PML: variants seen among roughly 807,000 people sequenced by gnomAD.
The protein encoded by PML is protein PML.
Under a neutral mutation model 65.2 loss-of-function variants are expected in PML, and 28 were observed. The ratio of observed to expected loss-of-function variants is 0.43; its 90% CI spans 0.32 to 0.59. The LOEUF is 0.59. PML is among the 20% of genes least tolerant of loss of function. The pLI is 0.08. For synonymous variants in PML, 500 were observed against 508.8 expected, an observed-to-expected ratio of 0.98 and a Z score of 0.23; for missense variants, 1,021 against 1,203.4, an observed-to-expected ratio of 0.85 and a Z score of 2.24.
At chr15:74,033,124 C>T (rs373832766) in intron 5 of PML, 32 bp from the exon 6 acceptor site, 1 of 1,613,328 alleles carries the variant, frequency 6.2e-7, no homozygotes, top group African/African-American at 1.3e-5. Flanking sequence ...CCTGCAGGCA[C>T]CTGACCTGGC....
rs1595924501 is a variant in PML, at chr15:74,046,267, G to C, written c.*1259G>C. ...TCCCCAACCTTGTGGTCACATCAGA[G>C]GTCAACAGCAGAACAGAGGCAGGTC... is the stretch of plus-strand genomic sequence containing the variant. On this transcript the variant is annotated 3_prime_UTR_variant, in exon 9 of 9. Coordinates refer to ENST00000268058, the MANE Select transcript of PML (RefSeq NM_033238.3). The C allele has an allele frequency of 2.1e-5, 5 of 233,312 alleles. No individual in the cohort carries two copies. The East Asian group carries it at 3.0e-4, about 14-fold the overall frequency. 14.5% of individuals were successfully genotyped at this position (233,312 alleles called of 1,614,324 possible).
At chr15:74,036,452 T>G in intron 7 of PML, 1 of 1,259,542 alleles carries the variant, frequency 7.9e-7, no homozygotes, top group East Asian at 3.6e-5. Context: ...AGCTCCTCCC[T>G]GCAGGCTGTT....
In PML at chr15:74,044,734, G is replaced by A. The variant is rs374210403; in HGVS notation, c.2375G>A (p.Arg792Gln). 276 of 1,610,450 alleles carry A rather than the reference G, an allele frequency of 1.7e-4. No homozygotes were observed. The highest frequency in any genetic ancestry group is 2.1e-4 in the Non-Finnish European group (247 of 1,179,956). ...QPLVQAAVLP[R>Q]AEARLLALHN... Reference sequence around the variant, plus strand: ...CTGGTGCAGGCAGCTGTGCTGCCCCGGGCTGAGGCCCGCCTCCTGGCCCTA... The same window carrying A: ...CTGGTGCAGGCAGCTGTGCTGCCCCAGGCTGAGGCCCGCCTCCTGGCCCTA... Residue 792 changes from arginine (R) to glutamine (Q), a missense_variant, in exon 9 of 9, where the codon CGG becomes CAG. Arg to Gln is a conservative substitution (Grantham distance 43). Coordinates refer to ENST00000268058, the MANE Select transcript of PML (RefSeq NM_033238.3).
chr15:74,024,965 GC>G, intron 4 of PML, 38 bp downstream of exon 4: 1 of 1,432,366 alleles, frequency 7.0e-7, no homozygotes, highest in Non-Finnish European at 9.9e-7. Context: ...TGGTGGTGGG[GC>G]CCAGCAGGTC....
In PML at chr15:74,045,082, C is replaced by A; in HGVS notation, c.*74C>A. The A allele has an allele frequency of 7.5e-7, 1 of 1,335,976 alleles. No individual in the cohort carries two copies. Among genetic ancestry groups the A allele is most frequent in the South Asian group, 1.4e-5 (1 of 72,298 alleles). 82.8% of individuals were successfully genotyped at this position (1,335,976 alleles called of 1,614,324 possible). ...GGTCCCTGAGCCAGGCCCCACCCAT[C>A]ACAGCATTCCCAGGTCCTGGTACCC... On this transcript the variant is annotated 3_prime_UTR_variant, in exon 9 of 9. Coordinates refer to ENST00000268058, the MANE Select transcript of PML (RefSeq NM_033238.3).
chr15:74,044,186 C>T (rs1341902065), intron 8 of PML, 35 bp from the exon 9 acceptor site: 1 of 1,608,494 alleles, frequency 6.2e-7, no homozygotes, highest in Non-Finnish European at 8.5e-7. Context: ...TCTCTGTGAC[C>T]CTGGGTCCTC....
intron 1 of PML, among the ~76,000 whole-genome samples, chr15:73,996,202 T>C (rs1406186591): frequency 6.6e-6 from 1 of 152,248 alleles, no homozygotes; most frequent in Non-Finnish European, 1.5e-5. Context: ...TTTTCATTAC[T>C]CCAGAAACTC....
intron 2 of PML, among the ~76,000 whole-genome samples, chr15:74,011,987 T>C (rs1567123938): frequency 6.6e-6 from 1 of 152,222 alleles, no homozygotes; most frequent in Non-Finnish European, 1.5e-5. Flanking sequence ...CTTAAGAATT[T>C]AGAGTGTATC....
chr15:74,005,109 A>G (rs1173142586), intron 2 of PML, among the ~76,000 whole-genome samples: 1 of 151,430 alleles, frequency 6.6e-6, no homozygotes, highest in Non-Finnish European at 1.5e-5. Flanking sequence ...CTGGAGTGCA[A>G]TGGCACGATC....
chr15:74,008,463 G>T (rs1157404903), intron 2 of PML, among the ~76,000 whole-genome samples: 2 of 152,194 alleles, frequency 1.3e-5, no homozygotes, highest in East Asian at 3.9e-4. Flanking sequence ...ATGGGGCCGG[G>T]CGTGGTGGCT....
chr15:74,024,558 C>A (rs1432036518), intron 3 of PML, among the ~76,000 whole-genome samples: 1 of 152,184 alleles, frequency 6.6e-6, no homozygotes, highest in African/African-American at 2.4e-5. Context: ...TTTATGATTG[C>A]GCACACTTAG....
intron 2 of PML, among the ~76,000 whole-genome samples, chr15:74,015,471 CCAGGTGGTACCAGCTCTCCTT>C (rs2070528109): frequency 6.6e-6 from 1 of 152,208 alleles, no homozygotes; most frequent in African/African-American, 2.4e-5. Context: ...TTCAGGCAAG[CCAGGTGGTACCAGCTCTCCTT>C]CACTGGTCCT....
At chr15:74,023,535 G>A in intron 3 of PML, 127 bp downstream of exon 3, 1 of 811,974 alleles carries the variant, frequency 1.2e-6, no homozygotes, top group Non-Finnish European at 2.0e-6. Flanking sequence ...TTTGGGGGTT[G>A]GTAAGGTCTT....
chr15:74,033,090 C>A, intron 5 of PML, 66 bp from the exon 6 acceptor site: 1 of 1,568,268 alleles, frequency 6.4e-7, no homozygotes, highest in Non-Finnish European at 8.8e-7. Flanking sequence ...CCCTGGCAGT[C>A]AGGGCAGGCT....
chr15:74,000,918 T>C (rs1233729400), intron 2 of PML, among the ~76,000 whole-genome samples: 4 of 152,210 alleles, frequency 2.6e-5, no homozygotes, highest in African/African-American at 9.6e-5. Context: ...TTGAAGAATA[T>C]AAGAAATTTA....
At position 74,033,417 on chromosome 15, in the gene PML, AG is replaced by A; in HGVS notation, c.1657+6del. The A allele has an allele frequency of 6.2e-7, 1 of 1,612,130 alleles. No homozygotes were observed. The highest frequency in any genetic ancestry group is 8.5e-7 in the Non-Finnish European group (1 of 1,178,866). On this transcript the variant is annotated splice_donor_region_variant and intron_variant, in intron 6 of 8. Coordinates refer to ENST00000268058, the MANE Select transcript of PML (RefSeq NM_033238.3). ...GGCCAGTGGCGCCGGGGAGGCAGGT[AG>A]GGAGGTGGGTAGGGCAGTGGCCTGG...
chr15:74,025,130 A>G (rs2071014978), intron 4 of PML: 1 of 583,426 alleles, frequency 1.7e-6, no homozygotes, highest in Non-Finnish European at 3.1e-6. Flanking sequence ...CTAGGCTCCT[A>G]AATGCCAAAG....
chr15:74,010,185 ATTTTTTTTTTTTTT>A lies in PML; in HGVS notation c.602+11724_602+11737del, dbSNP rs536738558. 1.5e-4 allele frequency among the ~76,000 whole-genome samples: 12 copies of A among 77,940 alleles called. No individual in the cohort carries two copies. In the South Asian group the frequency reaches 2.2e-3, roughly 14 times the overall value. 51.1% of individuals were successfully genotyped at this position (77,940 alleles called of 152,430 possible). ...AGACATGCACCACCATGCCCAGCTAATTTTTTTTTTTTTTTTTTTTTTTTTTTTGTAGAGATGGG... is the reference window on the plus strand; with the variant it reads ...AGACATGCACCACCATGCCCAGCTAATTTTTTTTTTTTTTGTAGAGATGGG... On this transcript the variant is annotated intron_variant, in intron 2 of 8. Coordinates refer to ENST00000268058, the MANE Select transcript of PML (RefSeq NM_033238.3).
chr15:74,035,705 CT>C lies in PML; in HGVS notation c.1710+1181del, dbSNP rs2141881954. On this transcript the variant is annotated intron_variant, in intron 7 of 8. Transcript: ENST00000268058. This position sits in a 1 kb window ranked among gnomAD's most constrained non-coding sequence, Gnocchi z 4.1. Reference sequence around the variant, plus strand: ...CCCATTTATCCCAGTGGCTCAACAACTTTTTTGCCCTCCCCTTCTCCTCCAT... The same window carrying C: ...CCCATTTATCCCAGTGGCTCAACAACTTTTTGCCCTCCCCTTCTCCTCCAT... The C allele has an allele frequency of 6.2e-7, 1 of 1,614,146 alleles. No individual in the cohort carries two copies. The highest frequency in any genetic ancestry group is 8.5e-7 in the Non-Finnish European group (1 of 1,180,004).
Sources: gnomAD v4.1 joint callset for allele counts (sites outside exome capture counted in the v4.1 genomes callset) on GRCh38, gnomAD v4.1.1 for gene constraint, Gnocchi (gnomAD v3.1) non-coding constraint, MANE v1.5 for transcripts, NCBI Gene and HGNC (gene_info 2026-07-23, HGNC 2026-07-21) for gene names.